PPP1R1A: variants seen among roughly 807,000 people sequenced by gnomAD.
The protein encoded by PPP1R1A is protein phosphatase 1 regulatory inhibitor subunit 1A, also known as protein phosphatase 1 regulatory subunit 1A.
Under a neutral mutation model 23.9 loss-of-function variants are expected in PPP1R1A, and 18 were observed. The observed-to-expected ratio is 0.75, with a 90% CI of 0.52 to 1.12. PPP1R1A has a LOEUF of 1.12. PPP1R1A is among the 50% of genes most tolerant of loss of function. The pLI, the probability that PPP1R1A is intolerant of heterozygous loss-of-function variation, is 0.00. For synonymous variants in PPP1R1A, 84 were observed against 80.7 expected (o/e 1.04, Z -0.22); for missense variants, 207 against 223.8 (o/e 0.92, Z 0.48).
intron 1 of PPP1R1A, among the ~76,000 whole-genome samples, chr12:54,586,125 G>A (rs1957907742): frequency 1.3e-5 from 2 of 152,136 alleles, no homozygotes; most frequent in South Asian, 2.1e-4. Flanking sequence ...GGGTGGAGTG[G>A]CGATCAGTGG....
chr12:54,586,880 A>G (rs1178867476), intron 1 of PPP1R1A, among the ~76,000 whole-genome samples: 2 of 152,166 alleles, frequency 1.3e-5, no homozygotes, highest in Non-Finnish European at 2.9e-5. Context: ...TTGGAACTGC[A>G]TCCCCAACCT....
chr12:54,585,525 G>C (rs895447703), intron 1 of PPP1R1A, among the ~76,000 whole-genome samples: 5 of 152,154 alleles, frequency 3.3e-5, no homozygotes, highest in African/African-American at 1.2e-4. Flanking sequence ...GGAAGGATGG[G>C]GGTTAGAGGA....
chr12:54,579,412 G>A lies in PPP1R1A; in HGVS notation c.*975C>T, dbSNP rs926554169. 4 of 985,264 alleles carry A rather than the reference G, an allele frequency of 4.1e-6. No individual in the cohort carries two copies. Among genetic ancestry groups the A allele is most frequent in the African/African-American group, 1.7e-5 (1 of 57,192 alleles). The allele number at this position is 985,264 out of a possible 1,614,324, so 61.0% of individuals were successfully genotyped here. On this transcript the variant is annotated 3_prime_UTR_variant, in exon 7 of 7. Transcript: ENST00000257905. ...CAGGAGGAGGCCCCGAGGGCTCATA[G>A]TAGCTGCATGGCAGAAGTGGGACCT...
chr12:54,580,899 T>TA (rs1229357373), intron 6 of PPP1R1A, 45 bp downstream of exon 6: 1 of 1,463,746 alleles, frequency 6.8e-7, no homozygotes. Context: ...TCCACAATAT[T>TA]AGCCTCCTCT....
Position 54,583,369 on chromosome 12 carries a change from GC to G in PPP1R1A, c.146-122del, listed in dbSNP as rs1565712076. On this transcript the variant is annotated intron_variant, in intron 2 of 6. Transcript: ENST00000257905. ...TCCTCCTGATCTGTCCCTCACATCT[GC>G]CCCCAGGCTCTTGGCCCTCATGGCT... is the stretch of plus-strand genomic sequence containing the variant. The G allele has an allele frequency of 7.1e-6, 7 of 985,468 alleles. No individual in the cohort carries two copies. In the South Asian group the frequency reaches 8.3e-5, roughly 12 times the overall value. The allele number at this position is 985,468 out of a possible 1,614,324, so 61.0% of individuals were successfully genotyped here.
chr12:54,588,528 G>C lies in PPP1R1A; in HGVS notation c.-40C>G. ...CCGGTGGGCCCGCGCTGCGGCGGGAGGGAAGGCGGCGGGACTCGGGGCTGG... is the reference window on the plus strand; with the variant it reads ...CCGGTGGGCCCGCGCTGCGGCGGGACGGAAGGCGGCGGGACTCGGGGCTGG... On this transcript the variant is annotated 5_prime_UTR_variant, in exon 1 of 7. Transcript: ENST00000257905. 3 of 1,277,032 alleles carry C rather than the reference G, an allele frequency of 2.3e-6. No homozygotes were observed. Among genetic ancestry groups the C allele is most frequent in the Non-Finnish European group, 3.0e-6 (3 of 990,964 alleles). 79.1% of individuals were successfully genotyped at this position (1,277,032 alleles called of 1,614,324 possible). A position where few individuals can be genotyped will look rare whatever the true frequency, so the allele number is the denominator to read the frequency against.
In PPP1R1A at chr12:54,581,321, A is replaced by T. The variant is rs1350999115; in HGVS notation, c.404-271T>A. Among the ~76,000 whole-genome samples, 2 of 152,204 alleles carry T rather than the reference A, an allele frequency of 1.3e-5. No individual in the cohort carries two copies. The highest frequency in any genetic ancestry group is 2.9e-5 in the Non-Finnish European group (2 of 68,040). On this transcript the variant is annotated intron_variant, in intron 5 of 6. Transcript: ENST00000257905. This position sits in a 1 kb window ranked among gnomAD's most constrained non-coding sequence, Gnocchi z 4.1. ...CAATATGTGTCTAAACCTGACATGA[A>T]CTCATAGGAGGCTGTTTTTAGTCTT...
chr12:54,588,044 G>C (rs1489047270), intron 1 of PPP1R1A, among the ~76,000 whole-genome samples: 1 of 151,998 alleles, frequency 6.6e-6, no homozygotes, highest in Non-Finnish European at 1.5e-5. Context: ...ACCAAGCTCA[G>C]AAACTCTAGT....
intron 4 of PPP1R1A, 99 bp downstream of exon 4, chr12:54,582,633 A>G: frequency 7.2e-7 from 1 of 1,397,850 alleles, no homozygotes; most frequent in Non-Finnish European, 1.0e-6. Flanking sequence ...TTCTACCATA[A>G]TAAAGGCAGA....
Position 54,580,328 on chromosome 12 carries a change from A to T in PPP1R1A, c.*59T>A, listed in dbSNP as rs748956066. ...CCCAAAAGTGAAGGAATAAGAAACA[A>T]ATCCGGTGTCCATGCATTCCCAAAC... On this transcript the variant is annotated 3_prime_UTR_variant, in exon 7 of 7. Transcript: ENST00000257905. The T allele has an allele frequency of 6.2e-7, 1 of 1,609,562 alleles. No individual in the cohort carries two copies. The highest frequency in any genetic ancestry group is 8.5e-7 in the Non-Finnish European group (1 of 1,178,204).
chr12:54,587,701 G>A (rs1379511310), intron 1 of PPP1R1A, among the ~76,000 whole-genome samples: 2 of 152,114 alleles, frequency 1.3e-5, no homozygotes, highest in Non-Finnish European at 2.9e-5. Flanking sequence ...CTCCACCTCT[G>A]GCCTCCCAGT....
chr12:54,583,253 AG>A lies in PPP1R1A; in HGVS notation c.146-6del, dbSNP rs57357679. On this transcript the variant is annotated splice_region_variant and splice_polypyrimidine_tract_variant and intron_variant, in intron 2 of 6. Coordinates refer to ENST00000257905, the MANE Select transcript of PPP1R1A (RefSeq NM_006741.4). ...GGATCCGGTCTTCATCTATCTCTGA[AG>A]GGAACAGGGAAAGGAGAGGGTGATA... is the stretch of plus-strand genomic sequence containing the variant. The A allele has an allele frequency of 5.0e-3, 7,526 of 1,516,102 alleles. 321 individuals carry two copies. The African/African-American group carries it at 0.095, about 19-fold the overall frequency. The allele number at this position is 1,516,102 out of a possible 1,614,324, so 93.9% of individuals were successfully genotyped here.
At chr12:54,582,887 C>T (rs1398379073) in intron 3 of PPP1R1A, 92 bp from the exon 4 acceptor site, 5 of 1,315,640 alleles carry the variant, frequency 3.8e-6, no homozygotes, top group African/African-American at 3.0e-5. Flanking sequence ...CCTCCAGCCC[C>T]CCTTGCCTTC....
In PPP1R1A at chr12:54,588,590, G is replaced by GGCCCCA. The variant is rs1957936500; in HGVS notation, c.-108_-103dup. 3.3e-6 allele frequency: 2 copies of GGCCCCA among 614,170 alleles called. No homozygotes were observed. The highest frequency in any genetic ancestry group is 5.0e-5 in the Admixed American group (1 of 19,854). 38.0% of individuals were successfully genotyped at this position (614,170 alleles called of 1,614,324 possible). ...TCCCTCTCCGCTCCGCTCCGGCCCC[G>GGCCCCA]GCCCCAGCCCGGCGCGCTCGGCTCC... On this transcript the variant is annotated 5_prime_UTR_variant, in exon 1 of 7. Coordinates refer to ENST00000257905, the MANE Select transcript of PPP1R1A (RefSeq NM_006741.4).
chr12:54,587,719 G>A (rs566399281), intron 1 of PPP1R1A, among the ~76,000 whole-genome samples: 3 of 152,240 alleles, frequency 2.0e-5, no homozygotes, highest in Admixed American at 2.0e-4. Context: ...AGTGCTGCTG[G>A]CTCAGTCCCA....
At chr12:54,582,830 C>G (rs532929450) in intron 3 of PPP1R1A, 35 bp from the exon 4 acceptor site, 6 of 1,600,488 alleles carry the variant, frequency 3.7e-6, no homozygotes, top group African/African-American at 1.3e-5. Flanking sequence ...GGGCGCCAGC[C>G]CCCCCTTGCT....
rs1010674134 is a variant in PPP1R1A, at chr12:54,588,623, C to T, written c.-135G>A. The T allele has an allele frequency of 1.3e-5, 4 of 315,590 alleles. No homozygotes were observed. The highest frequency in any genetic ancestry group is 2.1e-5 in the Non-Finnish European group (4 of 190,916). 19.5% of individuals were successfully genotyped at this position (315,590 alleles called of 1,614,324 possible). On this transcript the variant is annotated 5_prime_UTR_variant, in exon 1 of 7. Transcript: ENST00000257905. The stretch of plus-strand genomic sequence containing the variant: ...CCCGGCGCGCTCGGCTCCCGGCTCC[C>T]GGCACAGCGCTCCCAGCTCGCGGCT...
At chr12:54,582,484 G>A (rs1310595828) in intron 4 of PPP1R1A, among the ~76,000 whole-genome samples, 1 of 152,128 alleles carries the variant, frequency 6.6e-6, no homozygotes, top group African/African-American at 2.4e-5. Flanking sequence ...TGTGCACTGT[G>A]CCGGTGAGTT....
chr12:54,587,257 T>C (rs1166317536), intron 1 of PPP1R1A, among the ~76,000 whole-genome samples: 1 of 151,990 alleles, frequency 6.6e-6, no homozygotes, highest in Non-Finnish European at 1.5e-5. Flanking sequence ...AAAAACACTC[T>C]CTCCACCTCA....
Sources: allele counts gnomAD v4.1 joint callset (sites outside exome capture counted in the v4.1 genomes callset), GRCh38; gene constraint gnomAD v4.1.1; non-coding constraint Gnocchi (gnomAD v3.1); transcripts MANE v1.5; gene names NCBI Gene and HGNC (gene_info 2026-07-23, HGNC 2026-07-21).